Variants in GRB2 observed in about 807,000 individuals in gnomAD.
GRB2 encodes growth factor receptor bound protein 2.
In GRB2, 2 loss-of-function variants were observed where a neutral mutation model predicts 27.4. The observed-to-expected ratio is 0.07, with a 90% CI of 0.03 to 0.23. The LOEUF is 0.23. GRB2 is among the 10% of genes least tolerant of loss of function. The pLI, the probability that GRB2 is intolerant of heterozygous loss-of-function variation, is 1.00. For synonymous variants in GRB2, 94 were observed against 99.6 expected (o/e 0.94, Z 0.33); for missense variants, 102 against 282.4 (o/e 0.36, Z 4.58).
At chr17:75,359,162 C>CAAA (rs3082676) in intron 2 of GRB2, among the ~76,000 whole-genome samples, 8 of 64,714 alleles carry the variant, frequency 1.2e-4, no homozygotes, top group African/African-American at 2.2e-4. Context: ...GACTACATCT[C>CAAA]AAAAAAAAAA....
intron 2 of GRB2, among the ~76,000 whole-genome samples, chr17:75,359,507 AAATAAT>A (rs10628038): frequency 6.7e-6 from 1 of 148,206 alleles, no homozygotes; most frequent in African/African-American, 2.5e-5. Context: ...CATTGTCTCA[AAATAAT>A]AATAATAATA....
At chr17:75,338,295 C>T (rs1196913066) in intron 2 of GRB2, among the ~76,000 whole-genome samples, 1 of 151,906 alleles carries the variant, frequency 6.6e-6, no homozygotes, top group Non-Finnish European at 1.5e-5. Flanking sequence ...GAACTCCTGG[C>T]CTCAGGTGAT....
intron 2 of GRB2, among the ~76,000 whole-genome samples, chr17:75,333,511 G>C (rs1312652874): frequency 6.6e-6 from 1 of 152,132 alleles, no homozygotes; most frequent in African/African-American, 2.4e-5. Context: ...TGTCACAGCA[G>C]AACTAAGCAG....
chr17:75,328,608 C>A (rs1288360618), intron 3 of GRB2, among the ~76,000 whole-genome samples: 7 of 151,790 alleles, frequency 4.6e-5, no homozygotes, highest in African/African-American at 1.7e-4. Context: ...TGCCATTGCA[C>A]TCCAGCCTGG....
intron 3 of GRB2, among the ~76,000 whole-genome samples, chr17:75,329,750 G>A (rs1293841299): frequency 6.6e-6 from 1 of 152,096 alleles, no homozygotes; most frequent in Non-Finnish European, 1.5e-5. Flanking sequence ...AAATTAGCCA[G>A]GCATAGTGGT....
At chr17:75,337,899 T>TACTACTACTACTACC (rs2078590624) in intron 2 of GRB2, among the ~76,000 whole-genome samples, 1 of 97,344 alleles carries the variant, frequency 1.0e-5, no homozygotes, top group Non-Finnish European at 2.2e-5. Flanking sequence ...CTACTACTAC[T>TACTACTACTACTACC]ACTATTATTA....
intron 2 of GRB2, among the ~76,000 whole-genome samples, chr17:75,352,717 A>C (rs1158833748): frequency 6.6e-6 from 1 of 152,210 alleles, no homozygotes; most frequent in Admixed American, 6.6e-5. Context: ...TCTATGCAGT[A>C]AAAGTGTTTT....
intron 2 of GRB2, among the ~76,000 whole-genome samples, chr17:75,356,878 A>G (rs1242750938): frequency 6.6e-6 from 1 of 152,102 alleles, no homozygotes; most frequent in East Asian, 1.9e-4. Context: ...CTCCTTTGCT[A>G]GTTTCTTATC....
At chr17:75,362,732 T>C (rs1313811207) in intron 2 of GRB2, among the ~76,000 whole-genome samples, 1 of 152,226 alleles carries the variant, frequency 6.6e-6, no homozygotes, top group African/African-American at 2.4e-5. Flanking sequence ...TGCTTTTGTA[T>C]TCAAAATCTA....
At chr17:75,361,778 G>A (rs182732656) in intron 2 of GRB2, among the ~76,000 whole-genome samples, 134 of 151,586 alleles carry the variant, frequency 8.8e-4, no homozygotes, top group Admixed American at 1.6e-3. Flanking sequence ...AATATATTAC[G>A]CTCATTACAT....
intron 2 of GRB2, among the ~76,000 whole-genome samples, chr17:75,335,889 G>A (rs1239481815): frequency 6.6e-6 from 1 of 152,166 alleles, no homozygotes; most frequent in African/African-American, 2.4e-5. Context: ...TAATTTTTAA[G>A]TCTTCATTTT....
At chr17:75,373,501 C>T (rs2078869395) in intron 2 of GRB2, 1 of 152,128 alleles carries the variant, frequency 6.6e-6, no homozygotes, top group Non-Finnish European at 1.5e-5. Flanking sequence ...TCAGAGTTGA[C>T]AGTAAGCTTG....
chr17:75,335,522 C>G (rs1223330912), intron 2 of GRB2, among the ~76,000 whole-genome samples: 2 of 152,170 alleles, frequency 1.3e-5, no homozygotes, highest in African/African-American at 4.8e-5. Flanking sequence ...AGATGATCGA[C>G]AACTAGCCAG....
At chr17:75,323,438 G>A (rs2078474338) in intron 4 of GRB2, among the ~76,000 whole-genome samples, 1 of 152,148 alleles carries the variant, frequency 6.6e-6, no homozygotes, top group African/African-American at 2.4e-5. Flanking sequence ...AGAGCCCAGG[G>A]CCCCAATAAT....
At position 75,318,077 on chromosome 17, in the gene GRB2, G is replaced by T. The variant is rs3180472; in HGVS notation, c.*2291C>A. The T allele has an allele frequency of 6.5e-6, 1 of 152,720 alleles. No individual in the cohort carries two copies. Among genetic ancestry groups the T allele is most frequent in the South Asian group, 2.1e-4 (1 of 4,824 alleles). The allele number at this position is 152,720 out of a possible 1,614,324, so 9.5% of individuals were successfully genotyped here. On this transcript the variant is annotated 3_prime_UTR_variant, in exon 6 of 6. Transcript: ENST00000316804. ...GCAAGGGGAAAAAAAGATACCAAGT[G>T]AAGAATTCATTGTGTATTTATTATT...
chr17:75,322,785 C>T (rs990214000), intron 4 of GRB2, among the ~76,000 whole-genome samples: 6 of 150,560 alleles, frequency 4.0e-5, no homozygotes, highest in Non-Finnish European at 5.9e-5. Context: ...ACCAGCCTAG[C>T]GAGGGCGCTT....
chr17:75,396,911 C>A (rs1028842147), intron 1 of GRB2, among the ~76,000 whole-genome samples: 1 of 152,178 alleles, frequency 6.6e-6, no homozygotes, highest in African/African-American at 2.4e-5. Flanking sequence ...CTATGTAGTA[C>A]GACCAGCCAT....
chr17:75,359,676 T>C, intron 2 of GRB2, among the ~76,000 whole-genome samples: 1 of 152,098 alleles, frequency 6.6e-6, no homozygotes, highest in Non-Finnish European at 1.5e-5. Context: ...TCAACAACAC[T>C]AAAGCTACCT....
At position 75,375,752 on chromosome 17, in the gene GRB2, G is replaced by A. The variant is rs1210370105; in HGVS notation, c.78+17799C>T. ...AAAAAGTACTGGGGACTGGCCGGGC[G>A]CAGTGGCTCAAGCCTGTAATCCCAA... On this transcript the variant is annotated intron_variant, in intron 2 of 5. Transcript: ENST00000316804. Among the ~76,000 whole-genome samples the A allele has an allele frequency of 5.3e-5, 8 of 152,014 alleles. No homozygotes were observed. In the South Asian group the frequency reaches 8.3e-4, roughly 16 times the overall value.
Sources: allele counts gnomAD v4.1 joint callset (sites outside exome capture counted in the v4.1 genomes callset), GRCh38; gene constraint gnomAD v4.1.1; transcripts MANE v1.5; gene names NCBI Gene and HGNC (gene_info 2026-07-23, HGNC 2026-07-21).